SCNN1D: variants seen among roughly 807,000 people sequenced by gnomAD.
SCNN1D encodes the protein epithelial sodium channel subunit delta.
In SCNN1D, 104 loss-of-function variants were observed where a neutral mutation model predicts 87.8. The ratio of observed to expected loss-of-function variants is 1.18; its 90% CI spans 1.01 to 1.39. The LOEUF is 1.39. Among genes scored for constraint, SCNN1D ranks in the 40% most tolerant of loss-of-function variants. The probability of loss-of-function intolerance (pLI) is 0.00; values close to 1 mark genes in which losing one functional copy is unlikely to be tolerated. For synonymous variants in SCNN1D, 628 were observed against 481.2 expected, an observed-to-expected ratio of 1.31 and a Z score of -3.99; for missense variants, 1,324 against 1,093.9, an observed-to-expected ratio of 1.21 and a Z score of -2.97.
intron 5 of SCNN1D, 62 bp from the exon 6 acceptor site, chr1:1,285,509 C>A: frequency 8.6e-7 from 1 of 1,166,288 alleles, no homozygotes; most frequent in Non-Finnish European, 1.2e-6. Flanking sequence ...GGCAAGTCTT[C>A]CCCTGAGCCC....
rs749187692 is a variant in SCNN1D at position 1,290,380 on chromosome 1, C to T, written c.1772C>T (p.Pro591Leu). ...GAGTACTGCAGCTCTGCCCGGCACCCTGCCTGGGGTGAGTCCTGCTCGCTG... is the reference window on the plus strand; with the variant it reads ...GAGTACTGCAGCTCTGCCCGGCACCTTGCCTGGGGTGAGTCCTGCTCGCTG... Reference protein sequence around the residue: ...GAEYCSSARHPAWGHCFYRLY... With the variant: ...GAEYCSSARHLAWGHCFYRLY... Residue 591 changes from proline (P) to leucine (L), a missense_variant, in exon 13 of 18, where the codon CCT becomes CTT. Transcript: ENST00000379116. 6 of 1,602,688 alleles carry T rather than the reference C, an allele frequency of 3.7e-6. No individual in the cohort carries two copies. Among genetic ancestry groups the T allele is most frequent in the Non-Finnish European group, 5.1e-6 (6 of 1,173,458 alleles).
In SCNN1D at chr1:1,285,937, G is replaced by A; in HGVS notation, c.570G>A (p.Gln190=). 1.3e-6 allele frequency: 2 copies of A among 1,549,790 alleles called. No homozygotes were observed. The highest frequency in any genetic ancestry group is 2.4e-5 in the South Asian group (2 of 83,670). Residue 190 remains glutamine (Q), a synonymous_variant, in exon 7 of 18, where the codon CAG becomes CAA. Transcript: ENST00000379116. ...AACKQGQAAA[Q]TPPRPGPPSA... ...CACTCTGCACACAGGCTGCAGCCCAGACGCCCCCCAGGCCGGGGCCACCAT... is the reference window on the plus strand; with the variant it reads ...CACTCTGCACACAGGCTGCAGCCCAAACGCCCCCCAGGCCGGGGCCACCAT...
chr1:1,282,414 C>A, intron 4 of SCNN1D, 99 bp downstream of exon 4: 1 of 1,345,348 alleles, frequency 7.4e-7, no homozygotes, highest in Non-Finnish European at 1.0e-6. Flanking sequence ...CCACTTGGGG[C>A]AGGATGTCAG....
Position 1,281,479 on chromosome 1 carries a change from C to A in SCNN1D, c.146C>A (p.Thr49Asn). ...TCRELGSPHP[T>N]PCTGPARGWP... ...CGGGAGCTGGGTTCGCCCCACCCCA[C>A]CCCCTGCACCGGGCCAGCGAGGGGA... Residue 49 changes from threonine (T) to asparagine (N), a missense_variant, in exon 3 of 18, where the codon ACC (threonine) becomes AAC (asparagine). By Grantham distance (65) the Thr-to-Asn change is moderately conservative. Coordinates refer to ENST00000379116, the MANE Select transcript of SCNN1D (RefSeq NM_001130413.4). 3 of 1,524,488 alleles carry A rather than the reference C, an allele frequency of 2.0e-6. No homozygotes were observed. 94.4% of individuals were successfully genotyped at this position (1,524,488 alleles called of 1,614,324 possible).
At position 1,287,283 on chromosome 1, in the gene SCNN1D, C is replaced by T; in HGVS notation, c.1294C>T (p.Leu432=). Residue 432 remains leucine, a synonymous_variant, in exon 9 of 18, where the codon CTG becomes TTG. Coordinates refer to ENST00000379116, the MANE Select transcript of SCNN1D (RefSeq NM_001130413.4). ...CGTCCTCTCCTGCAGTTACGATGGC[C>T]TGGACTGCCAGGCCCGGTGAGTGTG... is the stretch of plus-strand genomic sequence containing the variant. The part of the protein sequence containing the change: ...HFVLSCSYDG[L]DCQARQFRTF... 2 of 1,599,030 alleles carry T rather than the reference C, an allele frequency of 1.3e-6. No homozygotes were observed. The highest frequency in any genetic ancestry group is 1.7e-6 in the Non-Finnish European group (2 of 1,171,276).
chr1:1,281,216 C>T lies in SCNN1D; in HGVS notation c.6-10C>T, dbSNP rs1570599864. 7 of 1,534,608 alleles carry T rather than the reference C, an allele frequency of 4.6e-6. No homozygotes were observed. In the East Asian group the frequency reaches 1.7e-4, roughly 38 times the overall value. The stretch of plus-strand genomic sequence containing the variant: ...GGGTCCCACAGATGCCAGGCGCCTG[C>T]CATCTCCAGGGCAGTGCTGTCACAG... On this transcript the variant is annotated splice_polypyrimidine_tract_variant and intron_variant, in intron 1 of 17. Coordinates refer to ENST00000379116, the MANE Select transcript of SCNN1D (RefSeq NM_001130413.4).
Position 1,290,481 on chromosome 1 carries a change from C to T in SCNN1D, c.1785C>T (p.His595=). ...TGCCTCTGACCCCTCCCCAAGGACACTGCTTCTACCGCCTCTACCAGGACC... is the reference window on the plus strand; with the variant it reads ...TGCCTCTGACCCCTCCCCAAGGACATTGCTTCTACCGCCTCTACCAGGACC... ...CSSARHPAWG[H]CFYRLYQDLE... is the part of the protein sequence containing the mutation. The change falls in exon 14 of 18, where the codon CAC becomes CAT. Residue 595 remains histidine (H), a synonymous_variant. Coordinates refer to ENST00000379116, the MANE Select transcript of SCNN1D (RefSeq NM_001130413.4). The T allele has an allele frequency of 2.5e-6, 4 of 1,612,696 alleles. No homozygotes were observed. Among genetic ancestry groups the T allele is most frequent in the Non-Finnish European group, 3.4e-6 (4 of 1,179,916 alleles).
chr1:1,290,415 C>G (rs999292768), intron 13 of SCNN1D, 27 bp downstream of exon 13: 3 of 1,609,264 alleles, frequency 1.9e-6, no homozygotes, highest in South Asian at 2.2e-5. Flanking sequence ...GCCTCCCACT[C>G]TGTCAGCCAT....
chr1:1,281,015 A>G (rs1486685838), intron 1 of SCNN1D: 1 of 598,146 alleles, frequency 1.7e-6, no homozygotes, highest in East Asian at 2.8e-5. Flanking sequence ...GCCTGGGTGC[A>G]GGACCCCAGA....
rs570629080 is a variant in SCNN1D, at chr1:1,281,829, G to T, written c.277+219G>T. 1.0e-5 allele frequency: 6 copies of T among 595,020 alleles called. No individual in the cohort carries two copies. The African/African-American group carries it at 1.1e-4, about 11-fold the overall frequency. 36.9% of individuals were successfully genotyped at this position (595,020 alleles called of 1,614,324 possible). A position where few individuals can be genotyped will look rare whatever the true frequency, so the allele number is the denominator to read the frequency against. ...CCTTTGGCTGGACCGGGCCCCACTG[G>T]CCGGACCTGGGCTCTTTCTCTCTCT... is the stretch of plus-strand genomic sequence containing the variant. On this transcript the variant is annotated intron_variant, in intron 3 of 17. Transcript: ENST00000379116.
chr1:1,284,010 C>A lies in SCNN1D; in HGVS notation c.384C>A (p.Cys128Ter). Reference protein sequence around the residue: ...EARGSILLQSCQLPPQWLSTE... With the variant: ...EARGSILLQS Reference sequence around the variant, plus strand: ...GAGGCTCCATCCTGCTTCAGAGCTGCCAGCTGCCCCCGCAATGGCTGAGCA... The same window carrying A: ...GAGGCTCCATCCTGCTTCAGAGCTGACAGCTGCCCCCGCAATGGCTGAGCA... Residue 128 changes from cysteine to a stop codon, truncating the protein, a stop_gained, in exon 5 of 18, where the codon TGC (cysteine) becomes TGA (stop). Transcript: ENST00000379116. LOFTEE classifies it high-confidence loss of function. The A allele has an allele frequency of 6.9e-7, 1 of 1,441,372 alleles. No individual in the cohort carries two copies. Among genetic ancestry groups the A allele is most frequent in the East Asian group, 3.1e-5 (1 of 32,542 alleles). The allele number at this position is 1,441,372 out of a possible 1,614,324, so 89.3% of individuals were successfully genotyped here.
Position 1,288,192 on chromosome 1 carries a change from C to CTGTGTCTCTGCTCCGTCCCGTGTCTCT in SCNN1D, c.1662+155_1662+156insTGTGTCTCTGCTCCGTCCCGTGTCTCT, listed in dbSNP as rs1640651211. Among the ~76,000 whole-genome samples, 4 of 146,776 alleles carry CTGTGTCTCTGCTCCGTCCCGTGTCTCT rather than the reference C, an allele frequency of 2.7e-5. No homozygotes were observed. In the East Asian group the frequency reaches 6.0e-4, roughly 22 times the overall value. ...GCCCGCACTCCATCCCCCGTGTCCC[C>CTGTGTCTCTGCTCCGTCCCGTGTCTCT]GCTCCATTCCCTGTGTCTCTGCTCC... On this transcript the variant is annotated intron_variant, in intron 12 of 17. Coordinates refer to ENST00000379116, the MANE Select transcript of SCNN1D (RefSeq NM_001130413.4).
intron 1 of SCNN1D, 116 bp downstream of exon 1, chr1:1,280,782 T>C: frequency 1.5e-6 from 1 of 654,978 alleles, no homozygotes; most frequent in East Asian, 2.8e-5. Context: ...ATTTTATTTT[T>C]GGTTTATGAG....
At chr1:1,280,810 C>T in intron 1 of SCNN1D, 144 bp downstream of exon 1, 1 of 628,788 alleles carries the variant, frequency 1.6e-6, no homozygotes, top group East Asian at 2.8e-5. Flanking sequence ...AGAAGGCAGC[C>T]CACACGCACC....
Position 1,291,863 on chromosome 1 carries a change from C to T in SCNN1D, c.*253C>T, listed in dbSNP as rs564310768. The T allele has an allele frequency of 1.4e-5, 6 of 418,002 alleles. No homozygotes were observed. Among genetic ancestry groups the T allele is most frequent in the South Asian group, 1.3e-4 (2 of 15,620 alleles). The allele number at this position is 418,002 out of a possible 1,614,324, so 25.9% of individuals were successfully genotyped here. ...GAGTGCGGCTGGACGTGCCGACACG[C>T]GGTGATGTACCCATGCTCCGTGTGT... is the stretch of plus-strand genomic sequence containing the variant. On this transcript the variant is annotated 3_prime_UTR_variant, in exon 18 of 18. Transcript: ENST00000379116.
Position 1,290,305 on chromosome 1 carries a change from T to A in SCNN1D, c.1697T>A (p.Val566Glu). 6.3e-7 allele frequency: 1 copy of A among 1,586,530 alleles called. No individual in the cohort carries two copies. The highest frequency in any genetic ancestry group is 8.6e-7 in the Non-Finnish European group (1 of 1,164,946). Residue 566 changes from valine (V) to glutamate (E), a missense_variant, in exon 13 of 18, where the codon GTG becomes GAG. By Grantham distance (121) the Val-to-Glu change is moderately radical. Transcript: ENST00000379116. ...CLVSCFQQLM[V>E]ETCSCGYYLH... is the part of the protein sequence containing the mutation. ...GTGTCCTGCTTCCAGCAGCTGATGG[T>A]GGAGACCTGCTCCTGTGGCTACTAC...
rs1640731527 is a variant in SCNN1D, at chr1:1,289,959, CT to C, written c.1663-311del. ...GTCTCTGCTCCGTCCCGTGTCTCTG[CT>C]CCGTCCCCCGTGTCTGCTCCGTCCC... On this transcript the variant is annotated intron_variant, in intron 12 of 17. Coordinates refer to ENST00000379116, the MANE Select transcript of SCNN1D (RefSeq NM_001130413.4). 5.2e-5 allele frequency among the ~76,000 whole-genome samples: 3 copies of C among 57,704 alleles called. 1 individual carries two copies. The highest frequency in any genetic ancestry group is 3.7e-4 in the Admixed American group (2 of 5,438). The allele number at this position is 57,704 out of a possible 152,430, so 37.9% of individuals were successfully genotyped here.
Position 1,287,516 on chromosome 1 carries a change from G to T in SCNN1D, c.1319G>T (p.Arg440Leu), listed in dbSNP as rs762804170. The change falls in exon 10 of 18, where the codon CGG (arginine) becomes CTG (leucine). Residue 440 changes from arginine to leucine, a missense_variant. Coordinates refer to ENST00000379116, the MANE Select transcript of SCNN1D (RefSeq NM_001130413.4). ...DGLDCQARQF[R>L]TFHHPTYGSC... is the part of the protein sequence containing the mutation. ...TTGGCTTCTCATTCCAGACAGTTCC[G>T]GACCTTCCACCACCCCACCTACGGC... The T allele has an allele frequency of 6.5e-7, 1 of 1,527,928 alleles. No individual in the cohort carries two copies. Among genetic ancestry groups the T allele is most frequent in the Non-Finnish European group, 8.8e-7 (1 of 1,136,022 alleles). The allele number at this position is 1,527,928 out of a possible 1,614,324, so 94.6% of individuals were successfully genotyped here.
chr1:1,286,352 C>T, intron 7 of SCNN1D, 74 bp downstream of exon 7: 2 of 1,177,736 alleles, frequency 1.7e-6, no homozygotes, highest in Non-Finnish European at 2.4e-6. Context: ...CTAACCGAAG[C>T]CCCACTGGCC....
Sources: allele counts gnomAD v4.1 joint callset (sites outside exome capture counted in the v4.1 genomes callset), GRCh38; gene constraint gnomAD v4.1.1; transcripts MANE v1.5; gene names NCBI Gene and HGNC (gene_info 2026-07-23, HGNC 2026-07-21).